SAMM50: variants seen among roughly 807,000 people sequenced by gnomAD.
SAMM50 encodes sorting and assembly machinery component 50 homolog.
SAMM50 carries 47 observed loss-of-function variants against 66.9 expected under a neutral mutation model. That is an observed-to-expected ratio of 0.70 (90% CI 0.56 to 0.90). The LOEUF (loss-of-function observed/expected upper bound fraction) is 0.90. Among genes scored for constraint, SAMM50 ranks in the 40% least tolerant of loss-of-function variants. The probability of loss-of-function intolerance (pLI) is 0.00; values close to 1 mark genes in which losing one functional copy is unlikely to be tolerated. For synonymous variants in SAMM50, 191 were observed against 214.1 expected (o/e 0.89, Z 0.94); for missense variants, 535 against 595.3 (o/e 0.90, Z 1.05).
intron 10 of SAMM50, among the ~76,000 whole-genome samples, chr22:43,978,933 AG>A (rs2050248365): frequency 6.6e-6 from 1 of 152,164 alleles, no homozygotes; most frequent in Non-Finnish European, 1.5e-5. Flanking sequence ...GCCCCTATTC[AG>A]CCCTTGACTC....
intron 13 of SAMM50, among the ~76,000 whole-genome samples, chr22:43,989,913 G>C (rs2050314203): frequency 6.6e-6 from 1 of 152,192 alleles, no homozygotes. Flanking sequence ...TGGGTGCTAG[G>C]GGTGCCTGGA....
intron 14 of SAMM50, among the ~76,000 whole-genome samples, chr22:43,995,074 C>T (rs1264195304): frequency 6.6e-6 from 1 of 152,148 alleles, no homozygotes; most frequent in African/African-American, 2.4e-5. Context: ...GGTACAAATG[C>T]AGCCCGGGTT....
At chr22:43,990,699 T>C (rs539376235) in intron 14 of SAMM50, among the ~76,000 whole-genome samples, 1 of 152,170 alleles carries the variant, frequency 6.6e-6, no homozygotes, top group South Asian at 2.1e-4. Flanking sequence ...ACAGGTGATT[T>C]GGTTCCTGTG....
intron 1 of SAMM50, among the ~76,000 whole-genome samples, chr22:43,962,020 G>C (rs2896021): frequency 6.6e-6 from 1 of 151,822 alleles, no homozygotes; most frequent in Non-Finnish European, 1.5e-5. Context: ...GTGTGTATGT[G>C]ATATTATGTT....
At chr22:43,960,648 G>A (rs549689740) in intron 1 of SAMM50, among the ~76,000 whole-genome samples, 2 of 152,278 alleles carry the variant, frequency 1.3e-5, no homozygotes, top group South Asian at 2.1e-4. Flanking sequence ...AGAATGGCTC[G>A]AACCCGGGAG....
At chr22:43,959,495 A>AT (rs1022825398) in intron 1 of SAMM50, among the ~76,000 whole-genome samples, 35 of 111,046 alleles carry the variant, frequency 3.2e-4, no homozygotes, top group Non-Finnish European at 4.6e-4. Context: ...TATTTATTTT[A>AT]TTTTTTTATA....
chr22:43,965,697 T>TATGTTCC (rs2050169593), intron 3 of SAMM50, among the ~76,000 whole-genome samples: 1 of 151,024 alleles, frequency 6.6e-6, no homozygotes, highest in South Asian at 2.1e-4. Flanking sequence ...TATAAACATG[T>TATGTTCC]ATGTTCCTTA....
intron 5 of SAMM50, 92 bp from the exon 6 acceptor site, chr22:43,972,779 G>GA: frequency 8.4e-7 from 1 of 1,194,538 alleles, no homozygotes; most frequent in Admixed American, 2.5e-5. Flanking sequence ...CTGTTTTTAT[G>GA]AAAGTCCCTT....
chr22:43,979,177 T>A (rs1371192762), intron 10 of SAMM50, among the ~76,000 whole-genome samples: 1 of 152,244 alleles, frequency 6.6e-6, no homozygotes, highest in Non-Finnish European at 1.5e-5. Flanking sequence ...TGCCCCTAGA[T>A]CTCTGTTGCC....
chr22:43,955,523 C>G lies in SAMM50; in HGVS notation c.-55C>G. 1 of 1,573,988 alleles carries G rather than the reference C, an allele frequency of 6.4e-7. No individual in the cohort carries two copies. Among genetic ancestry groups the G allele is most frequent in the Non-Finnish European group, 8.6e-7 (1 of 1,159,436 alleles). On this transcript the variant is annotated 5_prime_UTR_variant, in exon 1 of 15. Coordinates refer to ENST00000350028, the MANE Select transcript of SAMM50 (RefSeq NM_015380.5). Reference sequence around the variant, plus strand: ...CGGACCCGCCTTCTGCCCTCAGCAGCAGACGCTCTGTCCCGCCCGGGCAGC... The same window carrying G: ...CGGACCCGCCTTCTGCCCTCAGCAGGAGACGCTCTGTCCCGCCCGGGCAGC...
Position 43,990,399 on chromosome 22 carries a change from G to A in SAMM50, c.1357G>A (p.Gly453Ser), listed in dbSNP as rs754465662. The A allele has an allele frequency of 6.2e-7, 1 of 1,613,936 alleles. No homozygotes were observed. The highest frequency in any genetic ancestry group is 2.2e-5 in the East Asian group (1 of 44,884). The part of the protein sequence containing the change: ...NYCVPMGVQT[G>S]DRICDGVQFG... ...CTGCGTCCCCATGGGAGTACAGACAGGCGACAGGTACGTGTTGGGAATTAT... is the reference window on the plus strand; with the variant it reads ...CTGCGTCCCCATGGGAGTACAGACAAGCGACAGGTACGTGTTGGGAATTAT... The change falls in exon 14 of 15, where the codon GGC becomes AGC. Residue 453 changes from glycine (G) to serine (S), a missense_variant. Coordinates refer to ENST00000350028, the MANE Select transcript of SAMM50 (RefSeq NM_015380.5).
intron 1 of SAMM50, among the ~76,000 whole-genome samples, chr22:43,958,379 AT>A (rs1220723876): frequency 6.7e-6 from 1 of 149,844 alleles, no homozygotes; most frequent in Non-Finnish European, 1.5e-5. Context: ...ATCACTCATT[AT>A]TTATTCAGCT....
chr22:43,978,944 C>T (rs746764286), intron 10 of SAMM50, among the ~76,000 whole-genome samples: 14 of 152,318 alleles, frequency 9.2e-5, no homozygotes, highest in Admixed American at 2.6e-4. Context: ...GCCCTTGACT[C>T]TGCACTTTGA....
chr22:43,986,043 C>CTTTTTTTTTTTTTTTTTTCTTTT (rs550939157), intron 12 of SAMM50, among the ~76,000 whole-genome samples: 1 of 134,166 alleles, frequency 7.5e-6, no homozygotes, highest in Non-Finnish European at 1.6e-5. Context: ...TTCTTTCTTT[C>CTTTTTTTTTTTTTTTTTTCTTTT]TTTTTTTTTT....
At chr22:43,965,062 G>A (rs533749003) in intron 3 of SAMM50, among the ~76,000 whole-genome samples, 3 of 151,856 alleles carry the variant, frequency 2.0e-5, no homozygotes, top group East Asian at 3.9e-4. Context: ...GGACCATATT[G>A]AACATGCCCA....
At chr22:43,970,013 T>C (rs368465282) in intron 4 of SAMM50, among the ~76,000 whole-genome samples, 3 of 152,146 alleles carry the variant, frequency 2.0e-5, no homozygotes, top group Admixed American at 6.5e-5. Flanking sequence ...TAAGACAATA[T>C]AGGAAAATGC....
chr22:43,956,012 A>C (rs897746859), intron 1 of SAMM50, among the ~76,000 whole-genome samples: 1 of 152,186 alleles, frequency 6.6e-6, no homozygotes, highest in African/African-American at 2.4e-5. Context: ...GAAGTCTTCT[A>C]ACTCAAACCT....
intron 4 of SAMM50, among the ~76,000 whole-genome samples, chr22:43,969,105 G>A (rs551743964): frequency 9.9e-5 from 15 of 152,096 alleles, no homozygotes; most frequent in Non-Finnish European, 8.8e-5. Context: ...TTACAGTTGC[G>A]GGCCTGGATT....
intron 4 of SAMM50, among the ~76,000 whole-genome samples, chr22:43,970,884 G>T (rs1364325442): frequency 1.3e-5 from 2 of 152,254 alleles, no homozygotes; most frequent in East Asian, 3.9e-4. Context: ...AGAAAAGATG[G>T]TGCCAGGCGG....
Sources: allele counts gnomAD v4.1 joint callset (sites outside exome capture counted in the v4.1 genomes callset), GRCh38; gene constraint gnomAD v4.1.1; transcripts MANE v1.5; gene names NCBI Gene and HGNC (gene_info 2026-07-23, HGNC 2026-07-21).